VAT1L: variants seen among roughly 807,000 people sequenced by gnomAD.
VAT1L encodes the protein vesicle amine transport 1 like, also known as putative NADPH-dependent quinone oxidoreductase VAT1L.
In VAT1L, 34 loss-of-function variants were observed where a neutral mutation model predicts 44.1. The observed-to-expected ratio is 0.77, with a 90% CI of 0.59 to 1.03. The LOEUF is 1.03. VAT1L is among the 50% of genes least tolerant of loss of function. The probability of loss-of-function intolerance (pLI) is 0.00; values close to 1 mark genes in which losing one functional copy is unlikely to be tolerated. For missense variants in VAT1L, 615 were observed against 538.8 expected (o/e 1.14, Z -1.40); for synonymous variants, 253 against 202.2 (o/e 1.25, Z -2.13).
intron 7 of VAT1L, among the ~76,000 whole-genome samples, chr16:77,946,034 G>A (rs559515631): frequency 4.0e-5 from 6 of 151,822 alleles, no homozygotes; most frequent in East Asian, 1.9e-4. Context: ...ACTGCTGACC[G>A]CATGATCTGC....
At chr16:77,910,487 A>G (rs1446528673) in intron 7 of VAT1L, among the ~76,000 whole-genome samples, 2 of 152,096 alleles carry the variant, frequency 1.3e-5, no homozygotes, top group Non-Finnish European at 2.9e-5. Flanking sequence ...CCTGGCTAAC[A>G]CGGTGAAACC....
chr16:77,872,102 G>A (rs1422906266), intron 4 of VAT1L, among the ~76,000 whole-genome samples: 1 of 152,132 alleles, frequency 6.6e-6, no homozygotes, highest in Non-Finnish European at 1.5e-5. Flanking sequence ...CACAGTTGGG[G>A]AAACTGAGGC....
At chr16:77,936,636 T>C (rs1387512102) in intron 7 of VAT1L, among the ~76,000 whole-genome samples, 1 of 152,172 alleles carries the variant, frequency 6.6e-6, no homozygotes, top group Non-Finnish European at 1.5e-5. Flanking sequence ...GAGAGCGTGC[T>C]TCCTACCTGT....
chr16:77,854,011 C>T (rs2016832228), intron 3 of VAT1L, among the ~76,000 whole-genome samples: 1 of 151,944 alleles, frequency 6.6e-6, no homozygotes, highest in African/African-American at 2.4e-5. Context: ...GCCTGTAGTC[C>T]CAGCTACTTG....
intron 7 of VAT1L, among the ~76,000 whole-genome samples, chr16:77,936,450 A>G (rs1221990975): frequency 6.6e-6 from 1 of 152,146 alleles, no homozygotes; most frequent in African/African-American, 2.4e-5. Flanking sequence ...TGTAAAAGCC[A>G]ACATCAAAGA....
chr16:77,827,905 G>A (rs904285425), intron 3 of VAT1L, among the ~76,000 whole-genome samples: 2 of 152,140 alleles, frequency 1.3e-5, no homozygotes, highest in Admixed American at 6.5e-5. Context: ...TGTAATCTAA[G>A]AGCATCAAAG....
At chr16:77,919,290 GGTGTT>G (rs1432721932) in intron 7 of VAT1L, among the ~76,000 whole-genome samples, 6 of 152,222 alleles carry the variant, frequency 3.9e-5, no homozygotes, top group African/African-American at 1.4e-4. Context: ...TTCATTGACA[GGTGTT>G]GTGCCTAGAC....
intron 2 of VAT1L, among the ~76,000 whole-genome samples, chr16:77,820,757 A>C (rs900220516): frequency 6.6e-6 from 1 of 152,242 alleles, no homozygotes; most frequent in Non-Finnish European, 1.5e-5. Flanking sequence ...ATGAACTTCA[A>C]GAACTACATG....
Position 77,862,903 on chromosome 16 carries a change from CT to C in VAT1L, c.722+17del. The C allele has an allele frequency of 6.2e-7, 1 of 1,612,730 alleles. No individual in the cohort carries two copies. The highest frequency in any genetic ancestry group is 8.5e-7 in the Non-Finnish European group (1 of 1,179,482). On this transcript the variant is annotated intron_variant, in intron 4 of 8. Transcript: ENST00000302536. ...AAGAAGTTAAAAGGTAAGATGTTTG[CT>C]TTTGAAAAAGCACCAGGCTGGCCCT...
intron 4 of VAT1L, among the ~76,000 whole-genome samples, chr16:77,873,226 A>G (rs955370893): frequency 6.6e-6 from 1 of 152,224 alleles, no homozygotes; most frequent in African/African-American, 2.4e-5. Flanking sequence ...CTAGACCTAG[A>G]ATTGAATTCC....
intron 3 of VAT1L, among the ~76,000 whole-genome samples, chr16:77,858,162 CGTG>C (rs2016880479): frequency 6.6e-6 from 1 of 152,020 alleles, no homozygotes; most frequent in African/African-American, 2.4e-5. Context: ...CCACAGAGGC[CGTG>C]GTGGTCACGC....
chr16:77,882,699 C>A (rs2017167647), intron 6 of VAT1L, among the ~76,000 whole-genome samples: 1 of 152,214 alleles, frequency 6.6e-6, no homozygotes, highest in Admixed American at 6.5e-5. Flanking sequence ...AGCATTCATT[C>A]CACAAACATT....
At chr16:77,887,681 A>G (rs2017223457) in intron 7 of VAT1L, among the ~76,000 whole-genome samples, 1 of 152,188 alleles carries the variant, frequency 6.6e-6, no homozygotes. Flanking sequence ...AGCACTAATG[A>G]GAGATGAGAA....
At chr16:77,839,096 C>T (rs2016673153) in intron 3 of VAT1L, among the ~76,000 whole-genome samples, 1 of 151,990 alleles carries the variant, frequency 6.6e-6, no homozygotes, top group Admixed American at 6.6e-5. Flanking sequence ...TAAAAGCTGC[C>T]GCAGAACATG....
intron 3 of VAT1L, among the ~76,000 whole-genome samples, chr16:77,862,465 A>C (rs1425056965): frequency 6.6e-6 from 1 of 151,860 alleles, no homozygotes; most frequent in East Asian, 1.9e-4. Flanking sequence ...AAATACAAAA[A>C]ATTAACCGGG....
At chr16:77,880,286 A>C (rs2142457319) in intron 6 of VAT1L, among the ~76,000 whole-genome samples, 1 of 152,046 alleles carries the variant, frequency 6.6e-6, no homozygotes, top group East Asian at 1.9e-4. Flanking sequence ...CCTCCCAAGT[A>C]GCTGGGATTA....
chr16:77,790,106 C>G (rs2015806303), intron 1 of VAT1L, among the ~76,000 whole-genome samples: 1 of 152,162 alleles, frequency 6.6e-6, no homozygotes, highest in Non-Finnish European at 1.5e-5. Flanking sequence ...ACGAGAAATA[C>G]AAACGAGGGT....
At chr16:77,804,030 C>T (rs1263513705) in intron 1 of VAT1L, among the ~76,000 whole-genome samples, 2 of 152,100 alleles carry the variant, frequency 1.3e-5, no homozygotes, top group African/African-American at 4.8e-5. Context: ...ACTGTCATGC[C>T]GTGTAGTCAT....
intron 7 of VAT1L, among the ~76,000 whole-genome samples, chr16:77,953,545 T>C (rs1350138235): frequency 1.3e-5 from 2 of 152,216 alleles, no homozygotes; most frequent in Non-Finnish European, 2.9e-5. Context: ...TGTTTGGTTT[T>C]ATTTTGTTTT....
Sources: gnomAD v4.1 joint callset for allele counts (sites outside exome capture counted in the v4.1 genomes callset) on GRCh38, gnomAD v4.1.1 for gene constraint, MANE v1.5 for transcripts, NCBI Gene and HGNC (gene_info 2026-07-23, HGNC 2026-07-21) for gene names.